Variants in GLTP observed in about 807,000 individuals in gnomAD.
GLTP encodes the protein glycolipid transfer protein.
Under a neutral mutation model 24.0 loss-of-function variants are expected in GLTP, and 22 were observed. The ratio of observed to expected loss-of-function variants is 0.92; its 90% confidence interval spans 0.65 to 1.31. The LOEUF (loss-of-function observed/expected upper bound fraction) is 1.31. Ranked by LOEUF, GLTP falls within the 50% of genes most tolerant of loss-of-function variation. The pLI is 0.00. For missense variants in GLTP, 224 were observed against 276.6 expected, an observed-to-expected ratio of 0.81 and a Z score of 1.35; for synonymous variants, 92 against 115.9, an observed-to-expected ratio of 0.79 and a Z score of 1.33.
chr12:109,873,461 T>C (rs1868789973), intron 1 of GLTP, among the ~76,000 whole-genome samples: 1 of 151,974 alleles, frequency 6.6e-6, no homozygotes, highest in South Asian at 2.1e-4. Flanking sequence ...GGTGAAACCC[T>C]GTCTCTAGTG....
Position 109,880,462 on chromosome 12 carries a change from G to T in GLTP, c.-88C>A. The stretch of plus-strand genomic sequence containing the variant: ...GGCCGCCGCCGTCAGCGCCGGGGCC[G>T]TCACAGCCGCCCGCCGCAGGCTCCG... On this transcript the variant is annotated 5_prime_UTR_variant, in exon 1 of 5. Transcript: ENST00000318348. The surrounding 1 kb of genome is among the most constrained non-coding windows in gnomAD (Gnocchi z 5.1). 5.1e-6 allele frequency: 2 copies of T among 392,896 alleles called. No individual in the cohort carries two copies. Among genetic ancestry groups the T allele is most frequent in the Non-Finnish European group, 7.9e-6 (2 of 252,834 alleles). The allele number at this position is 392,896 out of a possible 1,614,324, so 24.3% of individuals were successfully genotyped here.
chr12:109,852,547 G>A lies in GLTP; in HGVS notation c.*8C>T, dbSNP rs564976115. 1.5e-5 allele frequency: 23 copies of A among 1,581,138 alleles called. No individual in the cohort carries two copies. The South Asian group carries it at 2.6e-4, about 18-fold the overall frequency. The stretch of plus-strand genomic sequence containing the variant: ...ACGAGTCGGGGACGTGTCCAGCAGT[G>A]GGCATGCCTACACCTTGTAGTTAAG... On this transcript the variant is annotated 3_prime_UTR_variant, in exon 5 of 5. Transcript: ENST00000318348.
chr12:109,857,600 C>A lies in GLTP; in HGVS notation c.222G>T (p.Leu74=), dbSNP rs144778841. 1.4e-5 allele frequency: 22 copies of A among 1,614,078 alleles called. No individual in the cohort carries two copies. The South Asian group carries it at 2.4e-4, about 18-fold the overall frequency. ...CTCCATACATTTCTTTCTCCACCTC[C>A]AGGATGTTCTGCAGGGTCCGGAACT... The part of the protein sequence containing the change: ...PAKFRTLQNI[L]EVEKEMYGAE... Residue 74 remains leucine (L), a synonymous_variant, in exon 3 of 5, where the codon CTG becomes CTT. Coordinates refer to ENST00000318348, the MANE Select transcript of GLTP (RefSeq NM_016433.4). This position sits in a 1 kb window ranked among gnomAD's most constrained non-coding sequence, Gnocchi z 4.3.
At chr12:109,869,030 TG>T (rs1868630927) in intron 1 of GLTP, among the ~76,000 whole-genome samples, 1 of 152,148 alleles carries the variant, frequency 6.6e-6, no homozygotes, top group Non-Finnish European at 1.5e-5. Flanking sequence ...CCAGGCACAG[TG>T]GCTTACTCCT....
At chr12:109,872,200 G>C (rs1868739000) in intron 1 of GLTP, among the ~76,000 whole-genome samples, 1 of 152,356 alleles carries the variant, frequency 6.6e-6, no homozygotes, top group South Asian at 2.1e-4. Flanking sequence ...TCTGTGCCCT[G>C]GCAGTCATTC....
rs569511418 is a variant in GLTP, at chr12:109,880,166, G to A, written c.103+106C>T. 2 of 657,908 alleles carry A rather than the reference G, an allele frequency of 3.0e-6. No homozygotes were observed. Among genetic ancestry groups the A allele is most frequent in the Non-Finnish European group, 5.3e-6 (2 of 374,468 alleles). The allele number at this position is 657,908 out of a possible 1,614,324, so 40.8% of individuals were successfully genotyped here. On this transcript the variant is annotated intron_variant, in intron 1 of 4. Coordinates refer to ENST00000318348, the MANE Select transcript of GLTP (RefSeq NM_016433.4). This position sits in a 1 kb window ranked among gnomAD's most constrained non-coding sequence, Gnocchi z 5.1. ...AGGATCTTGGGTGCCTGGGGAAACA[G>A]TACTTAGGGGTGTCTAGGGCAGAGA...
intron 1 of GLTP, among the ~76,000 whole-genome samples, chr12:109,861,720 C>T (rs1005714761): frequency 1.3e-5 from 2 of 149,734 alleles, no homozygotes; most frequent in East Asian, 3.9e-4. Context: ...TGCACTCCAG[C>T]CTGGCGACAG....
In GLTP at chr12:109,874,304, C is replaced by A. The variant is rs186210626; in HGVS notation, c.103+5968G>T. The stretch of plus-strand genomic sequence containing the variant: ...TCTTTGGCTGTAAAACAAGATAAAT[C>A]TCTGATTCTAGGCTGCCACTGCCAC... On this transcript the variant is annotated intron_variant, in intron 1 of 4. Coordinates refer to ENST00000318348, the MANE Select transcript of GLTP (RefSeq NM_016433.4). Among the ~76,000 whole-genome samples, 58 of 152,294 alleles carry A rather than the reference C, an allele frequency of 3.8e-4. 2 individuals are homozygous for A. The highest frequency in any genetic ancestry group is 3.3e-3 in the Admixed American group (51 of 15,292).
chr12:109,878,558 C>T (rs1845440877), intron 1 of GLTP, among the ~76,000 whole-genome samples: 2 of 152,026 alleles, frequency 1.3e-5, no homozygotes, highest in Admixed American at 6.5e-5. Context: ...GGCAAGCTGG[C>T]TCTGACTTGG....
intron 1 of GLTP, among the ~76,000 whole-genome samples, chr12:109,863,466 T>C (rs1271098900): frequency 6.6e-6 from 1 of 152,104 alleles, no homozygotes; most frequent in Non-Finnish European, 1.5e-5. Flanking sequence ...CTGACCCCAG[T>C]TGGTACTTGT....
At position 109,857,443 on chromosome 12, in the gene GLTP, G is replaced by C; in HGVS notation, c.296+83C>G. The C allele has an allele frequency of 2.0e-6, 3 of 1,487,238 alleles. No homozygotes were observed. Among genetic ancestry groups the C allele is most frequent in the Non-Finnish European group, 2.8e-6 (3 of 1,081,772 alleles). 92.1% of individuals were successfully genotyped at this position (1,487,238 alleles called of 1,614,324 possible). On this transcript the variant is annotated intron_variant, in intron 3 of 4. Coordinates refer to ENST00000318348, the MANE Select transcript of GLTP (RefSeq NM_016433.4). This position sits in a 1 kb window ranked among gnomAD's most constrained non-coding sequence, Gnocchi z 4.3. ...GGCTCGGAAGTGACCTTCCCAGCCTGAGCTGACACTGCGGAACAGTGACAG... is the reference window on the plus strand; with the variant it reads ...GGCTCGGAAGTGACCTTCCCAGCCTCAGCTGACACTGCGGAACAGTGACAG...
chr12:109,877,791 C>A (rs1868934567), intron 1 of GLTP, among the ~76,000 whole-genome samples: 1 of 152,182 alleles, frequency 6.6e-6, no homozygotes, highest in Non-Finnish European at 1.5e-5. Flanking sequence ...TCACAGCCGA[C>A]AAATGATCTT....
At chr12:109,863,938 C>T (rs1868441948) in intron 1 of GLTP, among the ~76,000 whole-genome samples, 1 of 152,218 alleles carries the variant, frequency 6.6e-6, no homozygotes, top group African/African-American at 2.4e-5. Context: ...AAATGTTATG[C>T]AGCATCCTTG....
chr12:109,875,188 T>C (rs1868844830), intron 1 of GLTP, among the ~76,000 whole-genome samples: 1 of 152,072 alleles, frequency 6.6e-6, no homozygotes, highest in Non-Finnish European at 1.5e-5. Flanking sequence ...TGTTACACAT[T>C]GAAATAACTC....
rs188209561 is a variant in GLTP at position 109,879,742 on chromosome 12, A to C, written c.103+530T>G. On this transcript the variant is annotated intron_variant, in intron 1 of 4. Transcript: ENST00000318348. ...TTGGAGGGGGAGATGGGAGTCTTTG[A>C]TCTGGAATGGGCGAATTCTGAGGGA... Among the ~76,000 whole-genome samples the C allele has an allele frequency of 1.7e-3, 262 of 152,092 alleles. 1 individual carries two copies. The highest frequency in any genetic ancestry group is 6.1e-3 in the African/African-American group (251 of 41,484).
rs1565902205 is a variant in GLTP at position 109,880,340 on chromosome 12, A to T, written c.35T>A (p.Leu12Gln). ...ALLAEHLLKP[L>Q]PADKQIETGP... is the part of the protein sequence containing the mutation. Reference sequence around the variant, plus strand: ...GGTCTCGATCTGCTTGTCCGCGGGCAGCGGCTTCAGCAAGTGTTCGGCCAG... The same window carrying T: ...GGTCTCGATCTGCTTGTCCGCGGGCTGCGGCTTCAGCAAGTGTTCGGCCAG... Residue 12 changes from leucine to glutamine, a missense_variant, in exon 1 of 5, where the codon CTG becomes CAG. Coordinates refer to ENST00000318348, the MANE Select transcript of GLTP (RefSeq NM_016433.4). This position sits in a 1 kb window ranked among gnomAD's most constrained non-coding sequence, Gnocchi z 5.1. The T allele has an allele frequency of 6.3e-7, 1 of 1,592,674 alleles. No homozygotes were observed. Among genetic ancestry groups the T allele is most frequent in the Non-Finnish European group, 8.5e-7 (1 of 1,169,986 alleles).
Position 109,857,974 on chromosome 12 carries a change from C to T in GLTP, c.163-315G>A, listed in dbSNP as rs1034475891. On this transcript the variant is annotated intron_variant, in intron 2 of 4. Transcript: ENST00000318348. The surrounding 1 kb of genome is among the most constrained non-coding windows in gnomAD (Gnocchi z 4.3). ...AAGGTCACACAGTTGGTACAGAGTT[C>T]ATGTTCTCCAGCCACTACTGACACT... The T allele has an allele frequency of 4.8e-5, 21 of 439,984 alleles. No individual in the cohort carries two copies. The highest frequency in any genetic ancestry group is 4.5e-4 in the Admixed American group (15 of 33,108). 27.3% of individuals were successfully genotyped at this position (439,984 alleles called of 1,614,324 possible).
At chr12:109,877,629 G>A (rs948607060) in intron 1 of GLTP, among the ~76,000 whole-genome samples, 5 of 152,246 alleles carry the variant, frequency 3.3e-5, no homozygotes, top group Admixed American at 3.3e-4. Context: ...GTGCCATGGT[G>A]GAAAATCCCT....
At chr12:109,866,643 T>C (rs542759697) in intron 1 of GLTP, 14 of 152,242 alleles carry the variant, frequency 9.2e-5, no homozygotes, top group African/African-American at 3.4e-4. Context: ...TCATCAAAAA[T>C]ACGAGTTATG....
Sources: gnomAD v4.1 joint callset for allele counts (sites outside exome capture counted in the v4.1 genomes callset) on GRCh38, gnomAD v4.1.1 for gene constraint, Gnocchi (gnomAD v3.1) non-coding constraint, MANE v1.5 for transcripts, NCBI Gene and HGNC (gene_info 2026-07-23, HGNC 2026-07-21) for gene names.